OCA2: variants seen among roughly 807,000 people sequenced by gnomAD.
The protein encoded by OCA2 is P protein.
OCA2 carries 77 observed loss-of-function variants against 100.2 expected under a neutral mutation model. That is an observed-to-expected ratio of 0.77 (90% confidence interval 0.64 to 0.93). The LOEUF is 0.93. Among genes scored for constraint, OCA2 ranks in the 40% least tolerant of loss-of-function variants. OCA2 has a pLI of 0.00. For missense variants in OCA2, 1,062 were observed against 1,089.1 expected, an observed-to-expected ratio of 0.98 and a Z score of 0.35; for synonymous variants, 432 against 439.2, an observed-to-expected ratio of 0.98 and a Z score of 0.21.
intron 23 of OCA2, among the ~76,000 whole-genome samples, chr15:27,774,730 C>T (rs1471280012): frequency 1.3e-5 from 2 of 152,116 alleles, no homozygotes; most frequent in Non-Finnish European, 2.9e-5. Flanking sequence ...GGATGGGGCC[C>T]CAATCCGGGA....
In OCA2 at chr15:27,844,940, A is replaced by G. The variant is rs1309576342; in HGVS notation, c.2432+19T>C. ...AACTAGACAGTTTAACAGAAAATTT[A>G]AAGGGAATTTAAAAGTACCTGAAAA... On this transcript the variant is annotated intron_variant, in intron 23 of 23. Transcript: ENST00000354638. 1.3e-6 allele frequency: 2 copies of G among 1,546,578 alleles called. No individual in the cohort carries two copies. The highest frequency in any genetic ancestry group is 2.7e-5 in the African/African-American group (2 of 73,642).
chr15:28,042,329 T>A (rs2043227221), intron 2 of OCA2, among the ~76,000 whole-genome samples: 1 of 152,046 alleles, frequency 6.6e-6, no homozygotes, highest in African/African-American at 2.4e-5. Flanking sequence ...AAACTCTTAT[T>A]TTAAAAATGC....
At chr15:27,944,077 T>A (rs762430256) in intron 18 of OCA2, among the ~76,000 whole-genome samples, 2 of 152,218 alleles carry the variant, frequency 1.3e-5, no homozygotes, top group Non-Finnish European at 2.9e-5. Flanking sequence ...ACACCTTGAC[T>A]ATGGAAATTA....
intron 21 of OCA2, among the ~76,000 whole-genome samples, chr15:27,868,125 C>T (rs1016092605): frequency 1.3e-5 from 2 of 152,128 alleles, no homozygotes; most frequent in Non-Finnish European, 2.9e-5. Flanking sequence ...GCTTTTTAGG[C>T]GTGCAGCTGG....
chr15:28,014,155 T>C (rs2042317059), intron 9 of OCA2, among the ~76,000 whole-genome samples: 1 of 152,180 alleles, frequency 6.6e-6, no homozygotes, highest in South Asian at 2.1e-4. Flanking sequence ...TGGTTAAGTT[T>C]GATTTCATAG....
intron 21 of OCA2, among the ~76,000 whole-genome samples, chr15:27,865,501 C>T (rs1313778619): frequency 1.3e-5 from 2 of 152,214 alleles, no homozygotes; most frequent in African/African-American, 2.4e-5. Context: ...TGTGTTCATG[C>T]TGTGTCTGCA....
chr15:28,057,932 C>A (rs1566849667), intron 2 of OCA2, among the ~76,000 whole-genome samples: 1 of 152,170 alleles, frequency 6.6e-6, no homozygotes, highest in African/African-American at 2.4e-5. Flanking sequence ...CCTGTGACTA[C>A]TGGATCGTAA....
At chr15:27,820,008 A>G (rs1262540884) in intron 23 of OCA2, among the ~76,000 whole-genome samples, 2 of 152,240 alleles carry the variant, frequency 1.3e-5, no homozygotes, top group Admixed American at 1.3e-4. Context: ...GCACACATCA[A>G]TGGGACACAG....
chr15:27,833,540 G>A (rs575753274), intron 23 of OCA2, among the ~76,000 whole-genome samples: 5 of 152,218 alleles, frequency 3.3e-5, no homozygotes, highest in African/African-American at 9.6e-5. Context: ...TTTTTAAGTC[G>A]TTTTACATTA....
At chr15:27,959,358 AAAAG>A (rs1419160962) in intron 15 of OCA2, among the ~76,000 whole-genome samples, 1 of 144,570 alleles carries the variant, frequency 6.9e-6, no homozygotes, top group East Asian at 1.9e-4. Context: ...TGATAACATA[AAAAG>A]AAAGGGGAAG....
rs138773753 is a variant in OCA2, at chr15:27,984,253, G to A, written c.1365-770C>T. Among the ~76,000 whole-genome samples the A allele has an allele frequency of 3.0e-3, 463 of 152,116 alleles. 5 individuals carry two copies. Among genetic ancestry groups the A allele is most frequent in the African/African-American group, 0.011 (440 of 41,486 alleles). ...TCACACTAGATTTGTGCTGGAATCT[G>A]GGAGTCCTACAACTCGCCCAGCGCA... On this transcript the variant is annotated intron_variant, in intron 13 of 23. Transcript: ENST00000354638.
chr15:27,784,990 A>G (rs779960245), intron 23 of OCA2, among the ~76,000 whole-genome samples: 4 of 152,204 alleles, frequency 2.6e-5, no homozygotes, highest in Non-Finnish European at 5.9e-5. Flanking sequence ...AGCACAGAAA[A>G]CATCAAGCAG....
At chr15:27,761,343 T>C (rs1161785827) in intron 23 of OCA2, among the ~76,000 whole-genome samples, 1 of 152,006 alleles carries the variant, frequency 6.6e-6, no homozygotes, top group Non-Finnish European at 1.5e-5. Flanking sequence ...CCACTTAAAA[T>C]CACTCCAATT....
intron 2 of OCA2, among the ~76,000 whole-genome samples, chr15:28,049,974 C>T (rs1484849479): frequency 6.6e-6 from 1 of 152,066 alleles, no homozygotes; most frequent in Non-Finnish European, 1.5e-5. Context: ...ATTTTTTCCA[C>T]ACTAAAAATA....
intron 18 of OCA2, among the ~76,000 whole-genome samples, chr15:27,926,857 G>A (rs926809555): frequency 5.9e-5 from 9 of 152,026 alleles, no homozygotes; most frequent in Non-Finnish European, 8.8e-5. Flanking sequence ...CAAGTGATCC[G>A]CCCACCTCAG....
intron 23 of OCA2, among the ~76,000 whole-genome samples, chr15:27,810,463 T>C (rs2034031523): frequency 2.0e-5 from 3 of 152,314 alleles, no homozygotes; most frequent in Middle Eastern, 3.4e-3. Context: ...AATTCATGAC[T>C]AAGACCCCAA....
intron 2 of OCA2, among the ~76,000 whole-genome samples, chr15:28,055,398 C>T (rs908659952): frequency 1.3e-5 from 2 of 152,324 alleles, no homozygotes; most frequent in South Asian, 4.1e-4. Flanking sequence ...AGCAATTGCA[C>T]TGAGACTTCT....
intron 21 of OCA2, among the ~76,000 whole-genome samples, chr15:27,866,368 G>T (rs946651054): frequency 2.6e-5 from 4 of 152,206 alleles, no homozygotes; most frequent in African/African-American, 9.7e-5. Context: ...TGGCAGGAGG[G>T]AGGTGCACAG....
At chr15:28,051,866 T>C (rs879833364) in intron 2 of OCA2, among the ~76,000 whole-genome samples, 1 of 152,146 alleles carries the variant, frequency 6.6e-6, no homozygotes, top group Admixed American at 6.5e-5. Flanking sequence ...CCATGTTATC[T>C]TTCCTATAGC....
Sources: allele counts gnomAD v4.1 joint callset (sites outside exome capture counted in the v4.1 genomes callset), GRCh38; gene constraint gnomAD v4.1.1; transcripts MANE v1.5; gene names NCBI Gene and HGNC (gene_info 2026-07-23, HGNC 2026-07-21).